Variants in GRM1 observed in about 807,000 individuals in gnomAD.
GRM1 encodes the protein glutamate metabotropic receptor 1.
A neutral mutation model predicts 90.9 loss-of-function variants in GRM1; 33 were observed. The ratio of observed to expected loss-of-function variants is 0.36; its 90% CI spans 0.28 to 0.49. The LOEUF (loss-of-function observed/expected upper bound fraction) is 0.49, where lower values mean the gene tolerates loss of function less well. Among genes scored for constraint, GRM1 ranks in the 20% least tolerant of loss-of-function variants. GRM1 has a pLI of 0.99. For synonymous variants in GRM1, 700 were observed against 613.2 expected (o/e 1.14, Z -2.09); for missense variants, 1,190 against 1,534.3 (o/e 0.78, Z 3.75).
chr6:146,066,608 T>G (rs562204089), intron 1 of GRM1, among the ~76,000 whole-genome samples: 1 of 152,198 alleles, frequency 6.6e-6, no homozygotes, highest in Non-Finnish European at 1.5e-5. Flanking sequence ...AGTTGAACTC[T>G]CAGTTCTTTG....
At chr6:146,278,136 A>G (rs1782440005) in intron 2 of GRM1, among the ~76,000 whole-genome samples, 1 of 152,164 alleles carries the variant, frequency 6.6e-6, no homozygotes, top group African/African-American at 2.4e-5. Context: ...AAAGAACCCC[A>G]AAAGAAATAT....
Position 146,366,548 on chromosome 6 carries a change from A to G in GRM1, c.1602+8854A>G, listed in dbSNP as rs528387906. Among the ~76,000 whole-genome samples, 138 of 152,156 alleles carry G rather than the reference A, an allele frequency of 9.1e-4. 2 individuals are homozygous for G. Among genetic ancestry groups the G allele is most frequent in the Non-Finnish European group, 1.5e-3 (100 of 68,002 alleles). On this transcript the variant is annotated intron_variant, in intron 5 of 7. Coordinates refer to ENST00000282753, the MANE Select transcript of GRM1 (RefSeq NM_001278064.2). ...AATCAGCATTCTATTTTCTACCTCC[A>G]TGAGACCAACTTTTAAAACTCCCAC...
intron 1 of GRM1, among the ~76,000 whole-genome samples, chr6:146,152,615 G>A (rs1329181032): frequency 6.6e-6 from 1 of 152,028 alleles, no homozygotes; most frequent in Admixed American, 6.6e-5. Context: ...TTGTAAAAGA[G>A]GGGTTATAAC....
chr6:146,099,319 A>G (rs1299017880), intron 1 of GRM1, among the ~76,000 whole-genome samples: 1 of 152,198 alleles, frequency 6.6e-6, no homozygotes, highest in Non-Finnish European at 1.5e-5. Flanking sequence ...CCTGGGAGAC[A>G]GAGGTTGCAG....
chr6:146,232,876 T>C (rs2114708380), intron 2 of GRM1, among the ~76,000 whole-genome samples: 4 of 152,184 alleles, frequency 2.6e-5, no homozygotes, highest in Admixed American at 2.6e-4. Context: ...AAGGAATTTG[T>C]CTACTTCATC....
intron 1 of GRM1, among the ~76,000 whole-genome samples, chr6:146,048,542 AC>A (rs1486661893): frequency 7.2e-5 from 11 of 151,856 alleles, no homozygotes; most frequent in Non-Finnish European, 1.3e-4. Flanking sequence ...GTCCCACCAC[AC>A]CCCCCAAAAA....
chr6:146,283,362 T>A (rs1482971897), intron 2 of GRM1, among the ~76,000 whole-genome samples: 1 of 152,214 alleles, frequency 6.6e-6, no homozygotes. Flanking sequence ...ATATGTGCTT[T>A]GTTTTTATGC....
intron 2 of GRM1, among the ~76,000 whole-genome samples, chr6:146,267,672 G>C (rs1562568568): frequency 9.2e-6 from 1 of 108,940 alleles, no homozygotes; most frequent in African/African-American, 7.6e-5. Flanking sequence ...GCTGGGCTGG[G>C]CTGGGCTGGG....
chr6:146,394,789 A>G (rs1360484650), intron 6 of GRM1, among the ~76,000 whole-genome samples: 1 of 152,174 alleles, frequency 6.6e-6, no homozygotes, highest in African/African-American at 2.4e-5. Flanking sequence ...TAAAATAAGC[A>G]CGCTATTTGA....
chr6:146,336,666 C>T (rs1222734957), intron 3 of GRM1, among the ~76,000 whole-genome samples: 3 of 152,312 alleles, frequency 2.0e-5, no homozygotes, highest in South Asian at 4.1e-4. Context: ...CATCTCTCCA[C>T]TCAACAAGAG....
intron 1 of GRM1, among the ~76,000 whole-genome samples, chr6:146,146,652 G>C (rs1427365677): frequency 6.6e-6 from 1 of 152,144 alleles, no homozygotes; most frequent in Non-Finnish European, 1.5e-5. Context: ...ATTAGATTAA[G>C]AGGGACTGCC....
intron 7 of GRM1, among the ~76,000 whole-genome samples, chr6:146,423,394 C>T (rs1280092969): frequency 6.6e-6 from 1 of 151,856 alleles, no homozygotes; most frequent in East Asian, 1.9e-4. Context: ...TATGCAGGGT[C>T]ATTTATGTTT....
intron 1 of GRM1, among the ~76,000 whole-genome samples, chr6:146,097,100 A>G (rs1187974799): frequency 1.3e-5 from 2 of 152,176 alleles, no homozygotes; most frequent in African/African-American, 2.4e-5. Context: ...GATATTGTAC[A>G]TACCTAAACT....
At chr6:146,113,122 T>C (rs1256314569) in intron 1 of GRM1, among the ~76,000 whole-genome samples, 1 of 152,228 alleles carries the variant, frequency 6.6e-6, no homozygotes, top group Non-Finnish European at 1.5e-5. Flanking sequence ...TTTGATATAC[T>C]CAGTCTTTAA....
chr6:146,033,855 T>A (rs1244830437), intron 1 of GRM1, among the ~76,000 whole-genome samples: 1 of 152,096 alleles, frequency 6.6e-6, no homozygotes, highest in Non-Finnish European at 1.5e-5. Context: ...CATAAATACA[T>A]ACTTTGATTA....
intron 2 of GRM1, among the ~76,000 whole-genome samples, chr6:146,262,637 G>A (rs1240801166): frequency 6.6e-6 from 1 of 151,758 alleles, no homozygotes; most frequent in Non-Finnish European, 1.5e-5. Context: ...CTCTGTGTAT[G>A]TGTATGTATA....
At chr6:146,171,235 A>T (rs970282254) in intron 2 of GRM1, 1 of 152,218 alleles carries the variant, frequency 6.6e-6, no homozygotes, top group African/African-American at 2.4e-5. Context: ...CTACTATAAT[A>T]AATTACCACA....
At chr6:146,422,773 GAGTTA>G (rs1778043990) in intron 7 of GRM1, among the ~76,000 whole-genome samples, 1 of 152,132 alleles carries the variant, frequency 6.6e-6, no homozygotes, top group South Asian at 2.1e-4. Context: ...AAGTCATACT[GAGTTA>G]AGTATCTCTC....
chr6:146,227,444 C>A (rs1249952257), intron 2 of GRM1, among the ~76,000 whole-genome samples: 1 of 152,058 alleles, frequency 6.6e-6, no homozygotes, highest in Non-Finnish European at 1.5e-5. Flanking sequence ...TGACATGTGT[C>A]CAGCATTGTA....
Sources: gnomAD v4.1 joint callset for allele counts (sites outside exome capture counted in the v4.1 genomes callset) on GRCh38, gnomAD v4.1.1 for gene constraint, MANE v1.5 for transcripts, NCBI Gene and HGNC (gene_info 2026-07-23, HGNC 2026-07-21) for gene names.